Variants in SLC25A48 observed in about 807,000 individuals in gnomAD.
The protein encoded by SLC25A48 is solute carrier family 25 member 48.
Under a neutral mutation model 32.2 loss-of-function variants are expected in SLC25A48, and 29 were observed. That is an observed-to-expected ratio of 0.90 (90% CI 0.67 to 1.23). The LOEUF (loss-of-function observed/expected upper bound fraction) is 1.23, where lower values mean the gene tolerates loss of function less well. SLC25A48 is among the 50% of genes most tolerant of loss of function. The probability of loss-of-function intolerance (pLI) is 0.00; values close to 1 mark genes in which losing one functional copy is unlikely to be tolerated. For missense variants in SLC25A48, 399 were observed against 422.7 expected, an observed-to-expected ratio of 0.94 and a Z score of 0.49; for synonymous variants, 164 against 172.3, an observed-to-expected ratio of 0.95 and a Z score of 0.38.
chr5:135,714,467 TG>T (rs1402826778), intron 3 of SLC25A48, among the ~76,000 whole-genome samples: 4 of 152,206 alleles, frequency 2.6e-5, no homozygotes, highest in African/African-American at 9.6e-5. Flanking sequence ...TGGCGCCCGC[TG>T]GAAGCTCCAC....
chr5:135,771,498 G>T (rs540071296), intron 3 of SLC25A48, among the ~76,000 whole-genome samples: 1 of 150,294 alleles, frequency 6.7e-6, no homozygotes, highest in Non-Finnish European at 1.5e-5. Flanking sequence ...GATATGGTTC[G>T]TAATATCCAG....
At chr5:135,825,252 T>G (rs922703477) in intron 4 of SLC25A48, 5 of 152,254 alleles carry the variant, frequency 3.3e-5, no homozygotes, top group African/African-American at 1.2e-4. Context: ...CAAGCCGTAC[T>G]ATTATTCCCA....
chr5:135,732,137 T>C (rs1755240272), intron 3 of SLC25A48, among the ~76,000 whole-genome samples: 2 of 152,244 alleles, frequency 1.3e-5, no homozygotes, highest in South Asian at 4.1e-4. Flanking sequence ...CCAGTCCTTT[T>C]TAAGTTGGTG....
intron 3 of SLC25A48, chr5:135,650,460 A>G (rs574109165): frequency 2.2e-6 from 1 of 456,044 alleles, no homozygotes; most frequent in East Asian, 7.0e-5. Flanking sequence ...GTTCCCAGGA[A>G]CCAGCCGGGT....
intron 6 of SLC25A48, among the ~76,000 whole-genome samples, chr5:135,878,680 C>G (rs1258989251): frequency 6.6e-6 from 1 of 152,180 alleles, no homozygotes; most frequent in Non-Finnish European, 1.5e-5. Flanking sequence ...ACTGAGGAAA[C>G]TGGGGAAATG....
intron 3 of SLC25A48, among the ~76,000 whole-genome samples, chr5:135,721,529 T>TTCCAC (rs2126983144): frequency 6.6e-6 from 1 of 152,274 alleles, no homozygotes; most frequent in South Asian, 2.1e-4. Flanking sequence ...ACTGGAGTTG[T>TTCCAC]TCCACTTGTG....
intron 1 of SLC25A48, 113 bp from the exon 2 acceptor site, chr5:135,842,303 T>C: frequency 1.8e-6 from 2 of 1,095,752 alleles, no homozygotes; most frequent in South Asian, 2.6e-5. Flanking sequence ...CCACTCCCCC[T>C]ACCCCAGCAA....
intron 3 of SLC25A48, among the ~76,000 whole-genome samples, chr5:135,674,930 A>G (rs1301673875): frequency 2.0e-5 from 3 of 150,668 alleles, no homozygotes; most frequent in African/African-American, 4.9e-5. Flanking sequence ...TTTGAGAAAT[A>G]TATTCATTTT....
intron 3 of SLC25A48, among the ~76,000 whole-genome samples, chr5:135,721,399 T>C (rs139719664): frequency 0.01 from 1,536 of 151,702 alleles, 22 homozygotes; most frequent in African/African-American, 0.035. Context: ...GATGGGGTTT[T>C]CCCATGTTGG....
At chr5:135,753,195 A>G (rs1755810733) in intron 3 of SLC25A48, among the ~76,000 whole-genome samples, 1 of 151,990 alleles carries the variant, frequency 6.6e-6, no homozygotes, top group South Asian at 2.1e-4. Context: ...AGGATATTTT[A>G]TGCATAATAT....
At chr5:135,722,846 A>C (rs1228212348) in intron 3 of SLC25A48, among the ~76,000 whole-genome samples, 1 of 152,238 alleles carries the variant, frequency 6.6e-6, no homozygotes, top group Non-Finnish European at 1.5e-5. Context: ...GGTTGACCTC[A>C]GCTCAGCTGT....
chr5:135,741,665 G>A (rs762701718), intron 3 of SLC25A48, among the ~76,000 whole-genome samples: 7 of 152,108 alleles, frequency 4.6e-5, no homozygotes, highest in Admixed American at 1.3e-4. Context: ...TTGATGAGCC[G>A]GGGAGATAGA....
In SLC25A48 at chr5:135,874,081, A is replaced by T. The variant is rs1350865667; in HGVS notation, c.740A>T (p.Asp247Val). Residue 247 changes from aspartate to valine, a missense_variant, in exon 6 of 8, where the codon GAT (aspartate) becomes GTT (valine). Asp to Val is a radical substitution (Grantham distance 152). Transcript: ENST00000681962. ...MDVVKSRLQA[D>V]GVYLNKYKGV... The stretch of plus-strand genomic sequence containing the variant: ...GTCGTGAAAAGTCGACTCCAAGCTG[A>T]TGGGGTTTATTTAAACAAATATAAA... 4 of 1,527,610 alleles carry T rather than the reference A, an allele frequency of 2.6e-6. No homozygotes were observed. The highest frequency in any genetic ancestry group is 3.5e-6 in the Non-Finnish European group (4 of 1,144,334). 94.6% of individuals were successfully genotyped at this position (1,527,610 alleles called of 1,614,324 possible). A position where few individuals can be genotyped will look rare whatever the true frequency, so the allele number is the denominator to read the frequency against.
chr5:135,600,842 C>A (rs1751779990), intron 1 of SLC25A48, among the ~76,000 whole-genome samples: 1 of 123,988 alleles, frequency 8.1e-6, no homozygotes, highest in South Asian at 2.8e-4. Flanking sequence ...GCCACCATGC[C>A]CGGGTATTTT....
chr5:135,579,196 G>GCA (rs1481581903), upstream of SLC25A48: 1 of 291,702 alleles, frequency 3.4e-6, no homozygotes, highest in African/African-American at 2.2e-5. Context: ...GCGCGCACAC[G>GCA]CACACACACA....
In SLC25A48 at chr5:135,867,615, A is replaced by G. The variant is rs1464512253; in HGVS notation, c.422-3846A>G. Among the ~76,000 whole-genome samples, 3 of 152,170 alleles carry G rather than the reference A, an allele frequency of 2.0e-5. No individual in the cohort carries two copies. The South Asian group carries it at 6.2e-4, about 31-fold the overall frequency. On this transcript the variant is annotated intron_variant, in intron 4 of 7. Coordinates refer to ENST00000681962, the MANE Select transcript of SLC25A48 (RefSeq NM_001349336.2). ...AAGGCTCTTCTGTTTATTCATCAGC[A>G]GGGCTATCTTATACTGGTCATAGTT...
chr5:135,607,729 G>C (rs1043701063), intron 1 of SLC25A48, among the ~76,000 whole-genome samples: 2 of 152,216 alleles, frequency 1.3e-5, no homozygotes, highest in African/African-American at 4.8e-5. Flanking sequence ...TTAGCAAATA[G>C]TGATTTGTTA....
chr5:135,733,489 T>C (rs1038155134), intron 3 of SLC25A48, among the ~76,000 whole-genome samples: 5 of 152,256 alleles, frequency 3.3e-5, no homozygotes, highest in Admixed American at 1.3e-4. Context: ...GAGTAGAAAG[T>C]ATATGCATCA....
chr5:135,758,525 GT>G (rs1160008830), intron 3 of SLC25A48, among the ~76,000 whole-genome samples: 1 of 150,652 alleles, frequency 6.6e-6, no homozygotes, highest in Admixed American at 6.6e-5. Context: ...TATGATCTTT[GT>G]GATATCTATC....
Sources: allele counts gnomAD v4.1 joint callset (sites outside exome capture counted in the v4.1 genomes callset), GRCh38; gene constraint gnomAD v4.1.1; transcripts MANE v1.5; gene names NCBI Gene and HGNC (gene_info 2026-07-23, HGNC 2026-07-21).